CRACR2A: variants seen among roughly 807,000 people sequenced by gnomAD.
The protein encoded by CRACR2A is calcium release activated channel regulator 2A, also known as EF-hand calcium-binding domain-containing protein 4B.
CRACR2A carries 79 observed loss-of-function variants against 90.5 expected under a neutral mutation model. The observed-to-expected ratio is 0.87, with a 90% CI of 0.73 to 1.05. CRACR2A has a LOEUF of 1.05. Ranked by LOEUF, CRACR2A falls within the 50% of genes least tolerant of loss-of-function variation. CRACR2A has a pLI of 0.00. For missense variants in CRACR2A, 823 were observed against 897.2 expected (o/e 0.92, Z 1.06); for synonymous variants, 338 against 356.7 (o/e 0.95, Z 0.59).
At chr12:3,643,894 A>ATTATATATATTTATATTATAT (rs1326094324) in intron 12 of CRACR2A, among the ~76,000 whole-genome samples, 1 of 88,028 alleles carries the variant, frequency 1.1e-5, no homozygotes, top group Non-Finnish European at 2.3e-5. Context: ...ATTAATATAT[A>ATTATATATATTTATATTATAT]ATATATATTA....
chr12:3,720,847 G>T (rs1457358676), intron 2 of CRACR2A, among the ~76,000 whole-genome samples: 1 of 152,212 alleles, frequency 6.6e-6, no homozygotes, highest in Non-Finnish European at 1.5e-5. Context: ...TTGATCAGAA[G>T]GGATAAAGAA....
In CRACR2A at chr12:3,684,000, G is replaced by A. The variant is rs558883466; in HGVS notation, c.229-3651C>T. On this transcript the variant is annotated intron_variant, in intron 4 of 19. Transcript: ENST00000440314. The stretch of plus-strand genomic sequence containing the variant: ...AGCAGTACTGAGAGTTCATGCCCCA[G>A]AGCCACGGGAAAGTGATGTCTTTTG... 5.9e-5 allele frequency among the ~76,000 whole-genome samples: 9 copies of A among 152,266 alleles called. No individual in the cohort carries two copies. The South Asian group carries it at 1.9e-3, about 32-fold the overall frequency.
At chr12:3,734,929 G>C (rs10848914) in intron 1 of CRACR2A, among the ~76,000 whole-genome samples, 41,097 of 151,984 alleles carry the variant, frequency 0.27, 6,376 homozygotes, top group African/African-American at 0.43. Context: ...GGATAAGCGG[G>C]TAAGTTCTAG....
Position 3,651,065 on chromosome 12 carries a change from G to A in CRACR2A, c.1047-2452C>T, listed in dbSNP as rs539870088. On this transcript the variant is annotated intron_variant, in intron 10 of 19. Transcript: ENST00000440314. ...CTAAAAGTGTATACATGGGTAATAT[G>A]TAAACTGAAAGGGAAAGAACCTGCG... 3.3e-5 allele frequency among the ~76,000 whole-genome samples: 5 copies of A among 152,360 alleles called. No individual in the cohort carries two copies. In the South Asian group the frequency reaches 1.0e-3, roughly 32 times the overall value.
chr12:3,641,114 G>C (rs976445552), intron 13 of CRACR2A, among the ~76,000 whole-genome samples: 1 of 152,156 alleles, frequency 6.6e-6, no homozygotes, highest in Non-Finnish European at 1.5e-5. Flanking sequence ...GGGAGGCCGA[G>C]GCGGGCAGAT....
At chr12:3,737,310 C>A (rs957005832) in intron 1 of CRACR2A, among the ~76,000 whole-genome samples, 1 of 152,088 alleles carries the variant, frequency 6.6e-6, no homozygotes, top group Non-Finnish European at 1.5e-5. Flanking sequence ...GGAAGGAAAC[C>A]AGGGTGGCTA....
At chr12:3,745,803 A>C (rs189884240) in intron 1 of CRACR2A, among the ~76,000 whole-genome samples, 320 of 5,326 alleles carry the variant, frequency 0.06, 2 homozygotes, top group Admixed American at 0.084. Context: ...AATAAAATAA[A>C]ATAAAATAAA....
intron 1 of CRACR2A, among the ~76,000 whole-genome samples, chr12:3,749,454 T>C (rs1188562297): frequency 6.6e-6 from 1 of 152,218 alleles, no homozygotes; most frequent in Non-Finnish European, 1.5e-5. Context: ...GTTCTGCCCA[T>C]GCCACTGAGC....
At chr12:3,680,177 A>T in intron 5 of CRACR2A, 61 bp downstream of exon 5, 1 of 1,386,372 alleles carries the variant, frequency 7.2e-7, no homozygotes, top group African/African-American at 1.4e-5. Context: ...ACAGGAATGC[A>T]CCTTATACAG....
At chr12:3,707,168 T>A (rs957939109) in intron 3 of CRACR2A, among the ~76,000 whole-genome samples, 11 of 152,154 alleles carry the variant, frequency 7.2e-5, no homozygotes, top group African/African-American at 2.4e-4. Flanking sequence ...TGCATTTGAC[T>A]GCCTTTGAAA....
intron 11 of CRACR2A, chr12:3,648,290 C>A: frequency 4.9e-6 from 7 of 1,416,494 alleles, no homozygotes; most frequent in Non-Finnish European, 6.4e-6. Context: ...CTGTGAGGGA[C>A]TCAGAGGAGT....
chr12:3,624,352 T>C (rs896304747), intron 17 of CRACR2A, among the ~76,000 whole-genome samples: 4 of 152,122 alleles, frequency 2.6e-5, no homozygotes, highest in African/African-American at 9.7e-5. Flanking sequence ...TTTGGAAAAA[T>C]AAGGTGCTCC....
chr12:3,664,527 T>C (rs1945093117), intron 7 of CRACR2A, among the ~76,000 whole-genome samples: 1 of 152,216 alleles, frequency 6.6e-6, no homozygotes, highest in African/African-American at 2.4e-5. Flanking sequence ...TAATACATGT[T>C]GTTCTTCTTT....
At chr12:3,697,431 TA>T (rs1195480253) in intron 3 of CRACR2A, among the ~76,000 whole-genome samples, 3 of 152,246 alleles carry the variant, frequency 2.0e-5, no homozygotes, top group African/African-American at 7.2e-5. Context: ...TTTTTTCATG[TA>T]ATTCTCACAT....
intron 4 of CRACR2A, among the ~76,000 whole-genome samples, chr12:3,696,286 A>G (rs1369062437): frequency 6.6e-6 from 1 of 152,236 alleles, no homozygotes; most frequent in African/African-American, 2.4e-5. Context: ...TCTGCATACC[A>G]TCTCTCTGGA....
chr12:3,698,569 C>G (rs1196626556), intron 3 of CRACR2A, among the ~76,000 whole-genome samples: 4 of 152,244 alleles, frequency 2.6e-5, no homozygotes, highest in Admixed American at 2.6e-4. Context: ...TCAGGCTACA[C>G]CCTTTGCTCC....
In CRACR2A at chr12:3,669,302, C is replaced by G. The variant is rs929923761; in HGVS notation, c.671+4144G>C. Among the ~76,000 whole-genome samples the G allele has an allele frequency of 2.0e-5, 3 of 152,194 alleles. 1 individual carries two copies. Among genetic ancestry groups the G allele is most frequent in the Admixed American group, 2.0e-4 (3 of 15,286 alleles). On this transcript the variant is annotated intron_variant, in intron 7 of 19. Coordinates refer to ENST00000440314, the MANE Select transcript of CRACR2A (RefSeq NM_001144958.2). The stretch of plus-strand genomic sequence containing the variant: ...CTCTATGTGCCCTGGAGAGCTCAAG[C>G]TTTTGTTCCAGAAAAAGGTAAATGC...
intron 10 of CRACR2A, among the ~76,000 whole-genome samples, chr12:3,649,468 C>T (rs1944756741): frequency 6.6e-6 from 1 of 152,168 alleles, no homozygotes; most frequent in Non-Finnish European, 1.5e-5. Flanking sequence ...CCACCCTCCT[C>T]CCAAAGTCTC....
rs1177084429 is a variant in CRACR2A, at chr12:3,638,229, C to T, written c.1497G>A (p.Glu499=). 5.8e-6 allele frequency: 9 copies of T among 1,551,684 alleles called. No individual in the cohort carries two copies. The East Asian group carries it at 2.0e-4, about 34-fold the overall frequency. Residue 499 remains glutamate, a synonymous_variant, in exon 14 of 20, where the codon GAG becomes GAA. Coordinates refer to ENST00000440314, the MANE Select transcript of CRACR2A (RefSeq NM_001144958.2). ...QPLSKCSEEE[E]VSDQGVQGQI... is the part of the protein sequence containing the mutation. ...GTCCCTGTACCCCCTGGTCAGAGAC[C>T]TCTTCCTCTTCTGAGCATTTGCTCA... is the stretch of plus-strand genomic sequence containing the variant.
Sources: gnomAD v4.1 joint callset for allele counts (sites outside exome capture counted in the v4.1 genomes callset) on GRCh38, gnomAD v4.1.1 for gene constraint, MANE v1.5 for transcripts, NCBI Gene and HGNC (gene_info 2026-07-23, HGNC 2026-07-21) for gene names.